ATPAF1: variants seen among roughly 807,000 people sequenced by gnomAD.
ATPAF1 encodes the protein homolog of yeast ATP11.
ATPAF1 carries 26 observed loss-of-function variants against 43.9 expected under a neutral mutation model. That is an observed-to-expected ratio of 0.59 (90% CI 0.43 to 0.82). The LOEUF is 0.82. Among genes scored for constraint, ATPAF1 ranks in the 40% least tolerant of loss-of-function variants. The pLI is 0.00. For synonymous variants in ATPAF1, 157 were observed against 168.0 expected (o/e 0.93, Z 0.50); for missense variants, 366 against 435.0 (o/e 0.84, Z 1.41).
intron 2 of ATPAF1, chr1:46,665,024 T>A: frequency 2.0e-6 from 1 of 498,862 alleles, no homozygotes; most frequent in East Asian, 3.4e-5. Flanking sequence ...ACCAGACTGC[T>A]CCTCTTGGGA....
chr1:46,653,748 C>T lies in ATPAF1; in HGVS notation c.540+69G>A. On this transcript the variant is annotated intron_variant, in intron 5 of 8. Transcript: ENST00000574428. The surrounding 1 kb of genome is among the most constrained non-coding windows in gnomAD (Gnocchi z 4.8). The stretch of plus-strand genomic sequence containing the variant: ...ATAAACATAGGAAAAGTAAAGGCAA[C>T]TGCCTGCTAAGGTTAGAGAACTGAC... The T allele has an allele frequency of 6.8e-7, 1 of 1,469,792 alleles. No individual in the cohort carries two copies. Among genetic ancestry groups the T allele is most frequent in the East Asian group, 2.3e-5 (1 of 42,612 alleles). 91.0% of individuals were successfully genotyped at this position (1,469,792 alleles called of 1,614,324 possible). A position where few individuals can be genotyped will look rare whatever the true frequency, so the allele number is the denominator to read the frequency against.
At chr1:46,651,810 A>T (rs2148820635) in intron 6 of ATPAF1, among the ~76,000 whole-genome samples, 1 of 152,294 alleles carries the variant, frequency 6.6e-6, no homozygotes, top group South Asian at 2.1e-4. Context: ...TCCAGAATCT[A>T]CAATGAACTC....
intron 8 of ATPAF1, among the ~76,000 whole-genome samples, chr1:46,639,986 G>A (rs918499544): frequency 3.3e-5 from 5 of 152,212 alleles, no homozygotes; most frequent in East Asian, 3.9e-4. Flanking sequence ...GTGCTTTGCC[G>A]AAGACCAGAA....
At chr1:46,661,549 T>G (rs191801252) in intron 2 of ATPAF1, among the ~76,000 whole-genome samples, 1 of 152,348 alleles carries the variant, frequency 6.6e-6, no homozygotes, top group African/African-American at 2.4e-5. Context: ...TGTTAAAAAA[T>G]ACTTTTCTTT....
chr1:46,640,635 AAAACAAAC>A (rs144519905), intron 8 of ATPAF1, among the ~76,000 whole-genome samples: 5 of 150,480 alleles, frequency 3.3e-5, no homozygotes, highest in Admixed American at 6.6e-5. Flanking sequence ...CTCTGTCTCA[AAAACAAAC>A]AAACAAACAA....
At chr1:46,664,986 C>T (rs578136852) in intron 2 of ATPAF1, 58 of 416,076 alleles carry the variant, frequency 1.4e-4, no homozygotes, top group African/African-American at 1.1e-3. Flanking sequence ...TACCTCTAGC[C>T]TACTACCATG....
chr1:46,651,224 C>T (rs1048376222), intron 6 of ATPAF1, among the ~76,000 whole-genome samples: 2 of 151,844 alleles, frequency 1.3e-5, no homozygotes, highest in Non-Finnish European at 2.9e-5. Flanking sequence ...TGTTCGATTC[C>T]CACCTATGAG....
rs1003689131 is a variant in ATPAF1 at position 46,660,853 on chromosome 1, T to A, written c.376-2116A>T. Among the ~76,000 whole-genome samples the A allele has an allele frequency of 2.0e-5, 3 of 152,100 alleles. No homozygotes were observed. The East Asian group carries it at 5.8e-4, about 29-fold the overall frequency. Reference sequence around the variant, plus strand: ...GGTGAGTTCTACATAATAAAAAAAATTTCCCTCATCCTGTACAACTTTTCA... The same window carrying A: ...GGTGAGTTCTACATAATAAAAAAAAATTCCCTCATCCTGTACAACTTTTCA... On this transcript the variant is annotated intron_variant, in intron 2 of 8. Transcript: ENST00000574428.
intron 2 of ATPAF1, among the ~76,000 whole-genome samples, chr1:46,663,615 CT>C (rs1676437194): frequency 6.9e-6 from 1 of 144,528 alleles, no homozygotes; most frequent in South Asian, 2.2e-4. Flanking sequence ...CCTTTGTCCA[CT>C]TTTTGATGGG....
intron 1 of ATPAF1, among the ~76,000 whole-genome samples, chr1:46,667,176 TA>T (rs1676504887): frequency 6.6e-6 from 1 of 152,148 alleles, no homozygotes; most frequent in African/African-American, 2.4e-5. Context: ...TAGGGAACTC[TA>T]GTTAGAGGAT....
In ATPAF1 at chr1:46,668,011, C is replaced by T; in HGVS notation, c.266+46G>A. 2 of 1,326,910 alleles carry T rather than the reference C, an allele frequency of 1.5e-6. No homozygotes were observed. Among genetic ancestry groups the T allele is most frequent in the Non-Finnish European group, 1.9e-6 (2 of 1,040,680 alleles). 82.2% of individuals were successfully genotyped at this position (1,326,910 alleles called of 1,614,324 possible). A position where few individuals can be genotyped will look rare whatever the true frequency, so the allele number is the denominator to read the frequency against. Reference sequence around the variant, plus strand: ...CCTAAGGCCCAGCAGCCCGGGCCGCCCCTCCTCCCGCCTCCTGCCCGCCTC... The same window carrying T: ...CCTAAGGCCCAGCAGCCCGGGCCGCTCCTCCTCCCGCCTCCTGCCCGCCTC... On this transcript the variant is annotated intron_variant, in intron 1 of 8. Coordinates refer to ENST00000574428, the Ensembl canonical transcript of ATPAF1. The surrounding 1 kb of genome is among the most constrained non-coding windows in gnomAD (Gnocchi z 4.4).
At chr1:46,651,016 T>C (rs996408395) in intron 6 of ATPAF1, among the ~76,000 whole-genome samples, 1 of 152,080 alleles carries the variant, frequency 6.6e-6, no homozygotes, top group African/African-American at 2.4e-5. Flanking sequence ...ATTATTATTA[T>C]ACTTTAAGTT....
chr1:46,663,757 A>G, intron 2 of ATPAF1: 12 of 882,830 alleles, frequency 1.4e-5, no homozygotes, highest in Non-Finnish European at 1.4e-5. Flanking sequence ...CAAAAAAAGT[A>G]TTTTCCAAGT....
intron 8 of ATPAF1, among the ~76,000 whole-genome samples, chr1:46,642,843 C>A (rs538634111): frequency 1.2e-4 from 18 of 152,130 alleles, no homozygotes; most frequent in Non-Finnish European, 1.8e-4. Context: ...TAGTAAAATG[C>A]ATAATACTCC....
intron 4 of ATPAF1, among the ~76,000 whole-genome samples, chr1:46,655,378 C>T (rs116633293): frequency 8.1e-4 from 124 of 152,232 alleles, no homozygotes; most frequent in African/African-American, 2.9e-3. Flanking sequence ...GAAGTCCTAC[C>T]TCTGCTTGAC....
chr1:46,665,945 C>T (rs1346976273), intron 1 of ATPAF1: 2 of 1,172,916 alleles, frequency 1.7e-6, no homozygotes, highest in Non-Finnish European at 2.2e-6. Context: ...GGTTGGTCTT[C>T]AGGTTTGAAG....
At chr1:46,657,233 T>G (rs1021752472) in intron 4 of ATPAF1, among the ~76,000 whole-genome samples, 1 of 152,226 alleles carries the variant, frequency 6.6e-6, no homozygotes, top group Non-Finnish European at 1.5e-5. Context: ...GCTTTTATTA[T>G]TATTTTGATC....
At chr1:46,637,723 G>A (rs961803004) in intron 8 of ATPAF1, among the ~76,000 whole-genome samples, 1 of 152,162 alleles carries the variant, frequency 6.6e-6, no homozygotes, top group African/African-American at 2.4e-5. Context: ...CTCTGAGACT[G>A]CATCTTCAAT....
chr1:46,635,898 C>G (rs868178369), exon 9 of ATPAF1: 1 of 1,614,100 alleles, frequency 6.2e-7, no homozygotes, highest in South Asian at 1.1e-5. Flanking sequence ...TCCACTAACC[C>G]GTAGGTCTCT....
Sources: allele counts gnomAD v4.1 joint callset (sites outside exome capture counted in the v4.1 genomes callset), GRCh38; gene constraint gnomAD v4.1.1; non-coding constraint Gnocchi (gnomAD v3.1); transcripts MANE v1.5; gene names NCBI Gene and HGNC (gene_info 2026-07-23, HGNC 2026-07-21).